The following CFAP47 variants were observed in gnomAD, a reference collection of about 807,000 sequenced individuals.
CFAP47 encodes the protein cilia and flagella associated protein 47, also known as cilia- and flagella-associated protein 47.
CFAP47 carries 29 observed loss-of-function variants against 148.1 expected under a neutral mutation model. The ratio of observed to expected loss-of-function variants is 0.20; its 90% CI spans 0.15 to 0.27. CFAP47 has a LOEUF of 0.27. CFAP47 is among the 10% of genes least tolerant of loss of function. CFAP47 has a pLI of 1.00. For missense variants in CFAP47, 1,872 were observed against 1,697.5 expected, an observed-to-expected ratio of 1.10 and a Z score of -1.81; for synonymous variants, 664 against 577.3, an observed-to-expected ratio of 1.15 and a Z score of -2.15.
chrX:36,234,070 G>C (rs1940413754), intron 46 of CFAP47, among the ~76,000 whole-genome samples: 1 of 109,027 alleles, frequency 9.2e-6, no homozygotes, highest in African/African-American at 3.4e-5. Context: ...TTTCAACTTT[G>C]GTGAATCTGA....
chrX:36,294,949 A>C (rs1466708893), intron 51 of CFAP47, among the ~76,000 whole-genome samples: 6 of 111,518 alleles, frequency 5.4e-5, no homozygotes, highest in African/African-American at 2.0e-4. Flanking sequence ...GCATCTTGTG[A>C]ATGTCTTTTC....
intron 19 of CFAP47, 51 bp from the exon 20 acceptor site, chrX:36,000,231 CA>C (rs1936898174): frequency 1.4e-5 from 4 of 278,030 alleles, no homozygotes. Context: ...TTTTAGTTTA[CA>C]TTTTCATAAA....
intron 39 of CFAP47, among the ~76,000 whole-genome samples, chrX:36,170,517 A>G (rs749070003): frequency 2.7e-5 from 3 of 110,214 alleles, no homozygotes; most frequent in South Asian, 7.9e-4. Context: ...CTCATTGTCA[A>G]TTCCCACATA....
chrX:36,307,717 C>T (rs1255435241), intron 55 of CFAP47, among the ~76,000 whole-genome samples: 1 of 110,883 alleles, frequency 9.0e-6, no homozygotes, highest in African/African-American at 3.3e-5. Context: ...GCAGTGGAAT[C>T]AAATATAATA....
intron 42 of CFAP47, among the ~76,000 whole-genome samples, chrX:36,193,495 CT>C (rs1292202652): frequency 1.8e-5 from 2 of 111,051 alleles, no homozygotes; most frequent in Admixed American, 9.7e-5. Flanking sequence ...ATTTTCACAA[CT>C]TTTTTCTTTT....
rs759808267 is a variant in CFAP47 at position 36,143,521 on chromosome X, G to T, written c.5536-1698G>T. Among the ~76,000 whole-genome samples, 5 of 111,667 alleles carry T rather than the reference G, an allele frequency of 4.5e-5. No individual in the cohort carries two copies. In the Admixed American group the frequency reaches 4.8e-4, roughly 11 times the overall value. On this transcript the variant is annotated intron_variant, in intron 35 of 63. Transcript: ENST00000378653. ...CATAGCAGACCTTCATTTCCATTTT[G>T]TGGAAGTACAGAGAGCTCCCTGTAT...
At chrX:36,019,472 C>T (rs988068087) in intron 22 of CFAP47, among the ~76,000 whole-genome samples, 1 of 111,702 alleles carries the variant, frequency 9.0e-6, no homozygotes, top group Non-Finnish European at 1.9e-5. Flanking sequence ...AAGATAAACT[C>T]CACACATTCC....
In CFAP47 at chrX:36,272,537, G is replaced by C. The variant is rs73460117; in HGVS notation, c.7445-7950G>C. On this transcript the variant is annotated intron_variant, in intron 49 of 63. Transcript: ENST00000378653. ...GGCACTTTTGTGAGACTTTCAATGGGAAATCATTAGGCATCTACCTTACAG... is the reference window on the plus strand; with the variant it reads ...GGCACTTTTGTGAGACTTTCAATGGCAAATCATTAGGCATCTACCTTACAG... Among the ~76,000 whole-genome samples, 89 of 111,146 alleles carry C rather than the reference G, an allele frequency of 8.0e-4. 1 individual carries two copies. Among genetic ancestry groups the C allele is most frequent in the African/African-American group, 2.8e-3 (87 of 30,682 alleles).
At chrX:36,114,937 T>C (rs1245365839) in intron 33 of CFAP47, among the ~76,000 whole-genome samples, 3 of 112,221 alleles carry the variant, frequency 2.7e-5, no homozygotes, top group African/African-American at 9.7e-5. Flanking sequence ...ACTCCAGTGG[T>C]GGAGGCAACT....
At chrX:36,176,753 A>G (rs946599902) in intron 39 of CFAP47, among the ~76,000 whole-genome samples, 1 of 111,442 alleles carries the variant, frequency 9.0e-6, no homozygotes, top group East Asian at 2.8e-4. Flanking sequence ...AAATTCAAAA[A>G]AATTAGCCGC....
At chrX:36,197,794 C>T (rs2146880285) in intron 42 of CFAP47, among the ~76,000 whole-genome samples, 1 of 111,005 alleles carries the variant, frequency 9.0e-6, no homozygotes, top group Non-Finnish European at 1.9e-5. Context: ...ATTCTTTTTT[C>T]CAGCATGAAC....
chrX:36,012,164 C>G lies in CFAP47; in HGVS notation c.3418-2610C>G, dbSNP rs137966652. 5.4e-3 allele frequency among the ~76,000 whole-genome samples: 597 copies of G among 111,093 alleles called. 6 individuals carry two copies. Among genetic ancestry groups the G allele is most frequent in the African/African-American group, 0.019 (573 of 30,514 alleles). ...TGGCAATTATTAAAAAGTCAGGAAA[C>G]AATAGATGCCGGTGAGGCTGTGGAG... On this transcript the variant is annotated intron_variant, in intron 21 of 63. Coordinates refer to ENST00000378653, the MANE Select transcript of CFAP47 (RefSeq NM_001304548.2).
intron 40 of CFAP47, among the ~76,000 whole-genome samples, chrX:36,185,266 G>A (rs1056154812): frequency 2.5e-4 from 27 of 109,792 alleles, no homozygotes; most frequent in African/African-American, 7.3e-4. Flanking sequence ...TTTTTTATAA[G>A]GGCACTTATC....
At chrX:36,014,656 G>T in intron 21 of CFAP47, 118 bp from the exon 22 acceptor site, 2 of 259,208 alleles carry the variant, frequency 7.7e-6, no homozygotes, top group Non-Finnish European at 1.4e-5. Context: ...GTTCAATGTC[G>T]CAAGATAATT....
intron 45 of CFAP47, chrX:36,210,980 A>G (rs1427803707): frequency 3.4e-5 from 4 of 116,515 alleles, no homozygotes; most frequent in African/African-American, 1.3e-4. Flanking sequence ...TGATCTTGGC[A>G]CCTTTGTTGA....
At chrX:36,186,820 T>G (rs1422784822) in intron 40 of CFAP47, among the ~76,000 whole-genome samples, 2 of 110,852 alleles carry the variant, frequency 1.8e-5, no homozygotes, top group Non-Finnish European at 3.8e-5. Context: ...GGGCCACTAC[T>G]GGGTTAGCAG....
At chrX:36,229,650 T>A (rs1426902201) in intron 46 of CFAP47, among the ~76,000 whole-genome samples, 1 of 110,452 alleles carries the variant, frequency 9.1e-6, no homozygotes, top group Non-Finnish European at 1.9e-5. Context: ...AGGGTACATG[T>A]GCACAATCTG....
intron 54 of CFAP47, 58 bp from the exon 55 acceptor site, chrX:36,306,714 A>C (rs1232597641): frequency 1.5e-6 from 1 of 677,831 alleles, no homozygotes. Context: ...CAAAGATACC[A>C]ACTCAAGCCA....
Position 35,941,151 on chromosome X carries a change from A to G in CFAP47, c.402-132A>G, listed in dbSNP as rs1238767858. 14 of 373,488 alleles carry G rather than the reference A, an allele frequency of 3.7e-5. No individual in the cohort carries two copies. In the East Asian group the frequency reaches 6.7e-4, roughly 18 times the overall value. 30.8% of individuals were successfully genotyped at this position (373,488 alleles called of 1,213,427 possible). Reference sequence around the variant, plus strand: ...AATTCCTTTTATTGACAAACATGCCACCAGTAGACCTGTAAATAAACTGAA... The same window carrying G: ...AATTCCTTTTATTGACAAACATGCCGCCAGTAGACCTGTAAATAAACTGAA... On this transcript the variant is annotated intron_variant, in intron 2 of 63. Transcript: ENST00000378653.
Sources: allele counts gnomAD v4.1 joint callset (sites outside exome capture counted in the v4.1 genomes callset), GRCh38; gene constraint gnomAD v4.1.1; transcripts MANE v1.5; gene names NCBI Gene and HGNC (gene_info 2026-07-23, HGNC 2026-07-21).